Variants in GALNTL6 observed in about 807,000 individuals in gnomAD.
The protein encoded by GALNTL6 is polypeptide N-acetylgalactosaminyltransferase-like 6.
A neutral mutation model predicts 73.7 loss-of-function variants in GALNTL6; 46 were observed. The ratio of observed to expected loss-of-function variants is 0.62; its 90% CI spans 0.49 to 0.80. The LOEUF (loss-of-function observed/expected upper bound fraction) is 0.80. Ranked by LOEUF, GALNTL6 falls within the 30% of genes least tolerant of loss-of-function variation. The probability of loss-of-function intolerance (pLI) is 0.00; values close to 1 mark genes in which losing one functional copy is unlikely to be tolerated. For synonymous variants in GALNTL6, 259 were observed against 263.7 expected, an observed-to-expected ratio of 0.98 and a Z score of 0.17; for missense variants, 604 against 755.0, an observed-to-expected ratio of 0.80 and a Z score of 2.34.
intron 7 of GALNTL6, among the ~76,000 whole-genome samples, chr4:172,814,650 CA>C (rs1741500759): frequency 6.6e-6 from 1 of 152,038 alleles, no homozygotes; most frequent in Admixed American, 6.6e-5. Flanking sequence ...GTCTTTTCAT[CA>C]ATAATATGGG....
chr4:172,372,297 G>T (rs1033884152), intron 5 of GALNTL6, among the ~76,000 whole-genome samples: 1 of 152,142 alleles, frequency 6.6e-6, no homozygotes. Flanking sequence ...AAGTGGCAGG[G>T]TTGAGGGCCA....
At chr4:172,195,339 G>T (rs1221364890) in intron 2 of GALNTL6, among the ~76,000 whole-genome samples, 1 of 152,100 alleles carries the variant, frequency 6.6e-6, no homozygotes, top group Non-Finnish European at 1.5e-5. Context: ...GGATAATAGT[G>T]GGATATTTTA....
At chr4:173,007,478 T>C (rs1469371040) in intron 10 of GALNTL6, among the ~76,000 whole-genome samples, 1 of 152,174 alleles carries the variant, frequency 6.6e-6, no homozygotes, top group Non-Finnish European at 1.5e-5. Context: ...CTTCTGACAC[T>C]ATCAGGAAGA....
At chr4:173,018,819 A>C (rs2126511194) in intron 11 of GALNTL6, among the ~76,000 whole-genome samples, 2 of 152,384 alleles carry the variant, frequency 1.3e-5, no homozygotes, top group South Asian at 4.1e-4. Context: ...AGAACAGCAA[A>C]GGCCAGATTG....
At chr4:172,429,074 G>A (rs570256047) in intron 5 of GALNTL6, among the ~76,000 whole-genome samples, 4 of 152,020 alleles carry the variant, frequency 2.6e-5, no homozygotes, top group Admixed American at 6.6e-5. Context: ...TGGAAGAGGC[G>A]AACAAGTTCT....
At chr4:172,424,291 A>G (rs1258540894) in intron 5 of GALNTL6, among the ~76,000 whole-genome samples, 1 of 152,026 alleles carries the variant, frequency 6.6e-6, no homozygotes, top group Non-Finnish European at 1.5e-5. Flanking sequence ...TGAATATTTT[A>G]CATATCATGA....
chr4:172,212,578 T>A (rs1048331314), intron 2 of GALNTL6, among the ~76,000 whole-genome samples: 1 of 152,218 alleles, frequency 6.6e-6, no homozygotes, highest in Non-Finnish European at 1.5e-5. Flanking sequence ...TGGAATAGTT[T>A]CATCACCCTA....
At chr4:172,847,002 T>C (rs1743547865) in intron 7 of GALNTL6, among the ~76,000 whole-genome samples, 1 of 152,186 alleles carries the variant, frequency 6.6e-6, no homozygotes, top group Admixed American at 6.5e-5. Flanking sequence ...GCATTGTTCC[T>C]GACATAGGTT....
intron 2 of GALNTL6, among the ~76,000 whole-genome samples, chr4:171,949,766 G>T (rs1299515259): frequency 1.3e-5 from 2 of 152,240 alleles, no homozygotes; most frequent in Non-Finnish European, 2.9e-5. Context: ...AATTGGTGAA[G>T]AAAGACAGTA....
chr4:172,491,841 A>T (rs1733906333), intron 5 of GALNTL6, among the ~76,000 whole-genome samples: 1 of 152,214 alleles, frequency 6.6e-6, no homozygotes, highest in African/African-American at 2.4e-5. Context: ...AGGCAATATG[A>T]TGATGGCATT....
chr4:173,014,459 G>A (rs1752693191), intron 11 of GALNTL6, among the ~76,000 whole-genome samples: 1 of 152,196 alleles, frequency 6.6e-6, no homozygotes, highest in Admixed American at 6.5e-5. Flanking sequence ...TTGCAGCCCA[G>A]CTTTCGTCCT....
chr4:171,854,606 G>A (rs892722397), intron 2 of GALNTL6, among the ~76,000 whole-genome samples: 1 of 152,180 alleles, frequency 6.6e-6, no homozygotes, highest in Non-Finnish European at 1.5e-5. Flanking sequence ...GCATGGACTA[G>A]ATTACATATA....
intron 8 of GALNTL6, among the ~76,000 whole-genome samples, chr4:172,894,046 C>T (rs1325956773): frequency 1.3e-5 from 2 of 152,138 alleles, no homozygotes; most frequent in African/African-American, 4.8e-5. Flanking sequence ...TATATGTCAC[C>T]TATCAACTTT....
At chr4:172,656,136 AC>A (rs1247517334) in intron 5 of GALNTL6, among the ~76,000 whole-genome samples, 2 of 152,178 alleles carry the variant, frequency 1.3e-5, no homozygotes, top group Non-Finnish European at 2.9e-5. Flanking sequence ...ATTGAAAGTC[AC>A]GTGGCAAGGA....
intron 2 of GALNTL6, among the ~76,000 whole-genome samples, chr4:171,995,049 T>C (rs1416954257): frequency 6.6e-6 from 1 of 151,946 alleles, no homozygotes; most frequent in Non-Finnish European, 1.5e-5. Context: ...TTAGAAACTG[T>C]TCTTATAAAA....
At chr4:173,031,377 T>C (rs1753452616) in intron 12 of GALNTL6, among the ~76,000 whole-genome samples, 1 of 152,256 alleles carries the variant, frequency 6.6e-6, no homozygotes, top group Non-Finnish European at 1.5e-5. Context: ...GTCATATTTC[T>C]ACACTGTACA....
chr4:172,867,792 A>C (rs892530233), intron 7 of GALNTL6, among the ~76,000 whole-genome samples: 14 of 152,178 alleles, frequency 9.2e-5, no homozygotes, highest in Non-Finnish European at 1.0e-4. Flanking sequence ...TTTTTCAGCT[A>C]TAGGGAACAG....
intron 2 of GALNTL6, among the ~76,000 whole-genome samples, chr4:171,849,498 C>A (rs530162868): frequency 2.6e-5 from 4 of 152,254 alleles, no homozygotes; most frequent in African/African-American, 9.6e-5. Context: ...ATTTCAATTT[C>A]ACTTTCAACT....
chr4:172,467,500 C>A (rs1732864889), intron 5 of GALNTL6, among the ~76,000 whole-genome samples: 1 of 152,134 alleles, frequency 6.6e-6, no homozygotes, highest in Admixed American at 6.5e-5. Context: ...CGCTCATCCT[C>A]CAGCAGGCTC....
Sources: gnomAD v4.1 joint callset for allele counts (sites outside exome capture counted in the v4.1 genomes callset) on GRCh38, gnomAD v4.1.1 for gene constraint, MANE v1.5 for transcripts, NCBI Gene and HGNC (gene_info 2026-07-23, HGNC 2026-07-21) for gene names.